CHST11: variants seen among roughly 807,000 people sequenced by gnomAD.
CHST11 encodes the protein C4S-1.
Under a neutral mutation model 30.4 loss-of-function variants are expected in CHST11, and 9 were observed. The ratio of observed to expected loss-of-function variants is 0.30; its 90% CI spans 0.18 to 0.52. CHST11 has a LOEUF of 0.52. Among genes scored for constraint, CHST11 ranks in the 20% least tolerant of loss-of-function variants. The pLI, the probability that CHST11 is intolerant of heterozygous loss-of-function variation, is 0.97. For missense variants in CHST11, 348 were observed against 460.6 expected (o/e 0.76, Z 2.24); for synonymous variants, 152 against 187.8 (o/e 0.81, Z 1.56).
At position 104,677,774 on chromosome 12, in the gene CHST11, A is replaced by G. The variant is rs565504168; in HGVS notation, c.204+75783A>G. 1.1e-4 allele frequency among the ~76,000 whole-genome samples: 16 copies of G among 152,240 alleles called. No homozygotes were observed. In the South Asian group the frequency reaches 2.9e-3, roughly 28 times the overall value. ...GCCAAGACGGGCGGTTAGAGATTCA[A>G]TGGCAGAGGGCTAGATGATTCTGTT... On this transcript the variant is annotated intron_variant, in intron 2 of 2. Transcript: ENST00000303694.
intron 1 of CHST11, among the ~76,000 whole-genome samples, chr12:104,555,300 T>C (rs1189467896): frequency 1.3e-5 from 2 of 152,176 alleles, no homozygotes. Context: ...GTGGGCAGAA[T>C]GGGGAGTGGA....
In CHST11 at chr12:104,685,745, G is replaced by A. The variant is rs746966013; in HGVS notation, c.205-71204G>A. 6.8e-4 allele frequency among the ~76,000 whole-genome samples: 104 copies of A among 152,296 alleles called. 1 individual carries two copies. In the Middle Eastern group the frequency reaches 0.031, roughly 45 times the overall value. The stretch of plus-strand genomic sequence containing the variant: ...AATTTTGTGTGAGAGATTGTGTCTG[G>A]ACTTTCATTTGGAGCAAGTTAGGTC... On this transcript the variant is annotated intron_variant, in intron 2 of 2. Transcript: ENST00000303694.
intron 1 of CHST11, among the ~76,000 whole-genome samples, chr12:104,563,390 A>C (rs2038532844): frequency 6.6e-6 from 1 of 152,188 alleles, no homozygotes; most frequent in African/African-American, 2.4e-5. Context: ...GCATGAGGGA[A>C]ACACTCAAAG....
intron 1 of CHST11, among the ~76,000 whole-genome samples, chr12:104,523,689 C>T (rs1378347538): frequency 6.6e-6 from 1 of 152,176 alleles, no homozygotes; most frequent in African/African-American, 2.4e-5. Context: ...CGCAGAGCAG[C>T]CTCACCCTTA....
At chr12:104,550,360 C>T (rs1247130234) in intron 1 of CHST11, among the ~76,000 whole-genome samples, 1 of 152,152 alleles carries the variant, frequency 6.6e-6, no homozygotes, top group African/African-American at 2.4e-5. Flanking sequence ...TTTCTCTGAG[C>T]AGAATGGAAA....
intron 2 of CHST11, among the ~76,000 whole-genome samples, chr12:104,687,580 G>A (rs1228753800): frequency 1.3e-5 from 2 of 152,202 alleles, no homozygotes; most frequent in Middle Eastern, 3.2e-3. Context: ...TTGATTCCAG[G>A]GTAGTCTTTA....
At chr12:104,513,122 C>CCGGG in intron 1 of CHST11, among the ~76,000 whole-genome samples, 1 of 1,374 alleles carries the variant, frequency 7.3e-4, no homozygotes, top group African/African-American at 2.6e-3. Flanking sequence ...AATGTCATGA[C>CCGGG]TGGGGGGGGG....
chr12:104,731,066 A>G (rs1374185820), intron 2 of CHST11, among the ~76,000 whole-genome samples: 1 of 152,226 alleles, frequency 6.6e-6, no homozygotes, highest in Non-Finnish European at 1.5e-5. Context: ...TCCTCAGGCC[A>G]GTCCTGGCTG....
At chr12:104,562,065 A>G (rs1425353719) in intron 1 of CHST11, among the ~76,000 whole-genome samples, 1 of 151,954 alleles carries the variant, frequency 6.6e-6, no homozygotes, top group East Asian at 1.9e-4. Flanking sequence ...GGATATATCT[A>G]GTTTTTCTGC....
intron 2 of CHST11, among the ~76,000 whole-genome samples, chr12:104,691,540 T>C (rs1335505796): frequency 6.8e-6 from 1 of 146,926 alleles, no homozygotes; most frequent in Non-Finnish European, 1.5e-5. Flanking sequence ...TAGGCTGGAG[T>C]GCAGTGGTGT....
chr12:104,483,596 A>T (rs1477039261), intron 1 of CHST11, among the ~76,000 whole-genome samples: 1 of 152,176 alleles, frequency 6.6e-6, no homozygotes, highest in Non-Finnish European at 1.5e-5. Flanking sequence ...CCAATTTTGG[A>T]TAATAAGAGA....
intron 1 of CHST11, among the ~76,000 whole-genome samples, chr12:104,542,076 T>A (rs2038292250): frequency 6.6e-6 from 1 of 152,264 alleles, no homozygotes. Context: ...AGCAACTAAC[T>A]TCATCTTTCC....
chr12:104,508,401 A>G (rs1366794661), intron 1 of CHST11, among the ~76,000 whole-genome samples: 1 of 152,234 alleles, frequency 6.6e-6, no homozygotes, highest in Non-Finnish European at 1.5e-5. Flanking sequence ...TTAAATAAGA[A>G]TTGTAAAGCA....
At chr12:104,632,568 T>G (rs917180355) in intron 2 of CHST11, among the ~76,000 whole-genome samples, 3 of 152,236 alleles carry the variant, frequency 2.0e-5, no homozygotes, top group Non-Finnish European at 2.9e-5. Context: ...ATTGGCAAGC[T>G]GTCAGGGTTG....
chr12:104,491,620 C>T (rs375110688), intron 1 of CHST11, among the ~76,000 whole-genome samples: 6 of 152,096 alleles, frequency 3.9e-5, no homozygotes, highest in African/African-American at 1.2e-4. Context: ...AGGTTTGTGC[C>T]ACCACACCTG....
At chr12:104,503,693 G>A (rs761942157) in intron 1 of CHST11, among the ~76,000 whole-genome samples, 48 of 152,194 alleles carry the variant, frequency 3.2e-4, no homozygotes, top group Non-Finnish European at 4.4e-4. Flanking sequence ...GCTGGCCTCC[G>A]CTCTCCTGAT....
intron 2 of CHST11, among the ~76,000 whole-genome samples, chr12:104,731,627 C>T (rs773203918): frequency 6.6e-5 from 10 of 152,244 alleles, no homozygotes; most frequent in African/African-American, 1.9e-4. Context: ...CTCGGGACCA[C>T]GGACTCAGCC....
At chr12:104,494,357 C>A (rs2037779211) in intron 1 of CHST11, among the ~76,000 whole-genome samples, 1 of 152,210 alleles carries the variant, frequency 6.6e-6, no homozygotes, top group South Asian at 2.1e-4. Context: ...CTTAAAGCCA[C>A]CACATCACAT....
At position 104,634,852 on chromosome 12, in the gene CHST11, C is replaced by T. The variant is rs564456787; in HGVS notation, c.204+32861C>T. On this transcript the variant is annotated intron_variant, in intron 2 of 2. Transcript: ENST00000303694. ...CAGCTGAAAAACAGATCATCACTGT[C>T]CTCAACAATATGCATTTGCTCCATT... 2.2e-4 allele frequency among the ~76,000 whole-genome samples: 33 copies of T among 152,316 alleles called. No individual in the cohort carries two copies. The South Asian group carries it at 6.4e-3, about 30-fold the overall frequency.
Sources: gnomAD v4.1 joint callset for allele counts (sites outside exome capture counted in the v4.1 genomes callset) on GRCh38, gnomAD v4.1.1 for gene constraint, MANE v1.5 for transcripts, NCBI Gene and HGNC (gene_info 2026-07-23, HGNC 2026-07-21) for gene names.